The following CHIC1 variants were observed in gnomAD, a reference collection of about 807,000 sequenced individuals.
CHIC1 encodes the protein cysteine rich hydrophobic domain 1.
A neutral mutation model predicts 18.5 loss-of-function variants in CHIC1; 7 were observed. The ratio of observed to expected loss-of-function variants is 0.38; its 90% CI spans 0.22 to 0.71. CHIC1 has a LOEUF of 0.71. Ranked by LOEUF, CHIC1 falls within the 30% of genes least tolerant of loss-of-function variation. CHIC1 has a pLI of 0.49. For missense variants in CHIC1, 159 were observed against 176.9 expected (o/e 0.90, Z 0.57); for synonymous variants, 77 against 73.5 (o/e 1.05, Z -0.25).
intron 3 of CHIC1, among the ~76,000 whole-genome samples, chrX:73,668,971 C>A (rs1258432802): frequency 2.7e-5 from 3 of 112,959 alleles, no homozygotes; most frequent in Middle Eastern, 4.6e-3. Flanking sequence ...AAGTTGGCAG[C>A]CTGCCTCGCC....
chrX:73,655,370 C>T (rs1251329973), intron 3 of CHIC1, among the ~76,000 whole-genome samples: 1 of 98,022 alleles, frequency 1.0e-5, no homozygotes, highest in Non-Finnish European at 2.0e-5. Flanking sequence ...TATATACACA[C>T]AATATTGTGG....
At chrX:73,579,157 AGAAT>A (rs1277742507) in intron 2 of CHIC1, among the ~76,000 whole-genome samples, 1 of 110,271 alleles carries the variant, frequency 9.1e-6, no homozygotes, top group African/African-American at 3.3e-5. Context: ...AGCTTGAGAC[AGAAT>A]ATAGTAGTTA....
intron 3 of CHIC1, among the ~76,000 whole-genome samples, chrX:73,621,346 C>G (rs1273366326): frequency 2.7e-5 from 3 of 112,070 alleles, no homozygotes; most frequent in Non-Finnish European, 5.6e-5. Flanking sequence ...GAATGTTTTT[C>G]CATTTTTTGG....
intron 3 of CHIC1, among the ~76,000 whole-genome samples, chrX:73,629,939 T>C (rs888595207): frequency 8.9e-6 from 1 of 112,123 alleles, no homozygotes; most frequent in Non-Finnish European, 1.9e-5. Flanking sequence ...AGATATCTTT[T>C]TGTGTATTTG....
intron 3 of CHIC1, among the ~76,000 whole-genome samples, chrX:73,613,722 G>A (rs2057719601): frequency 9.0e-6 from 1 of 111,687 alleles, no homozygotes; most frequent in Non-Finnish European, 1.9e-5. Flanking sequence ...TATTTGTTCT[G>A]TGTTACTATT....
chrX:73,589,047 C>T (rs765270138), intron 3 of CHIC1, among the ~76,000 whole-genome samples: 38 of 109,827 alleles, frequency 3.5e-4, no homozygotes, highest in Non-Finnish European at 5.6e-4. Context: ...CATTTCTCTC[C>T]ACTCTATTTT....
In CHIC1 at chrX:73,684,086, A is replaced by G. The variant is rs1260214967; in HGVS notation, c.*3081A>G. The G allele has an allele frequency of 8.9e-6, 1 of 111,894 alleles. No homozygotes were observed. The highest frequency in any genetic ancestry group is 1.9e-5 in the Non-Finnish European group (1 of 52,841). The allele number at this position is 111,894 out of a possible 1,213,427, so 9.2% of individuals were successfully genotyped here. ...ATCCTTTTCAACTAGGTCTAAGAAT[A>G]CTTTACTAGTGTATTATCTTTTATT... On this transcript the variant is annotated 3_prime_UTR_variant, in exon 6 of 6. Transcript: ENST00000373502.
chrX:73,607,920 G>A lies in CHIC1; in HGVS notation c.507+23348G>A, dbSNP rs1360969319. ...ATCTCGCTGGGAGCTGCAGACCAGA[G>A]CTGTTTCTATTCAGCCATCTTGCCA... On this transcript the variant is annotated intron_variant, in intron 3 of 5. Coordinates refer to ENST00000373502, the MANE Select transcript of CHIC1 (RefSeq NM_001039840.4). 5.5e-5 allele frequency among the ~76,000 whole-genome samples: 6 copies of A among 108,794 alleles called. No homozygotes were observed. In the Admixed American group the frequency reaches 5.7e-4, roughly 10 times the overall value. The allele number at this position is 108,794 out of a possible 115,157, so 94.5% of individuals were successfully genotyped here.
intron 3 of CHIC1, among the ~76,000 whole-genome samples, chrX:73,668,539 T>C (rs758028342): frequency 2.0e-4 from 22 of 111,498 alleles, no homozygotes; most frequent in Non-Finnish European, 9.4e-5. Context: ...GATGGGGTTT[T>C]TGTGTTTTTT....
chrX:73,616,753 G>T (rs1254728652), intron 3 of CHIC1, among the ~76,000 whole-genome samples: 1 of 111,770 alleles, frequency 8.9e-6, no homozygotes, highest in East Asian at 2.8e-4. Context: ...GCCATGGCTA[G>T]AGTGGCTAGG....
chrX:73,617,756 C>G (rs964383613), intron 3 of CHIC1, among the ~76,000 whole-genome samples: 2 of 111,736 alleles, frequency 1.8e-5, no homozygotes, highest in Admixed American at 1.9e-4. Context: ...TTATCTCTCA[C>G]CACATACCTC....
rs1271474761 is a variant in CHIC1, at chrX:73,682,090, AAG to A, written c.*1093_*1094del. ...GCAGTTCTGATATTCTAGTTTGAGA[AAG>A]AGAGAGAACTATTTGAGAAGCTGTA... is the stretch of plus-strand genomic sequence containing the variant. On this transcript the variant is annotated 3_prime_UTR_variant, in exon 6 of 6. Coordinates refer to ENST00000373502, the MANE Select transcript of CHIC1 (RefSeq NM_001039840.4). The A allele has an allele frequency of 9.0e-6, 1 of 111,543 alleles. No individual in the cohort carries two copies. Among genetic ancestry groups the A allele is most frequent in the African/African-American group, 3.2e-5 (1 of 30,866 alleles). The allele number at this position is 111,543 out of a possible 1,213,427, so 9.2% of individuals were successfully genotyped here. A position where few individuals can be genotyped will look rare whatever the true frequency, so the allele number is the denominator to read the frequency against.
chrX:73,622,399 G>A lies in CHIC1; in HGVS notation c.507+37827G>A, dbSNP rs372610601. On this transcript the variant is annotated intron_variant, in intron 3 of 5. Coordinates refer to ENST00000373502, the MANE Select transcript of CHIC1 (RefSeq NM_001039840.4). ...CTGTTATTGGTCTATTCAGGGATTC[G>A]ACTCCTTCCTGGTTTAGACTTGGGA... 3.6e-5 allele frequency among the ~76,000 whole-genome samples: 4 copies of A among 111,310 alleles called. No homozygotes were observed. The East Asian group carries it at 1.1e-3, about 32-fold the overall frequency.
intron 1 of CHIC1, among the ~76,000 whole-genome samples, chrX:73,576,491 T>A (rs1443968355): frequency 9.1e-6 from 1 of 110,489 alleles, no homozygotes; most frequent in Non-Finnish European, 1.9e-5. Context: ...ACCACCATCA[T>A]ATATGCACTC....
intron 3 of CHIC1, among the ~76,000 whole-genome samples, chrX:73,626,162 A>G (rs1006890254): frequency 5.4e-5 from 6 of 111,875 alleles, no homozygotes; most frequent in African/African-American, 1.9e-4. Flanking sequence ...TGGCTACTCC[A>G]TAGCGGAACA....
intron 3 of CHIC1, among the ~76,000 whole-genome samples, chrX:73,614,732 A>G (rs1364878109): frequency 9.1e-6 from 1 of 110,430 alleles, no homozygotes; most frequent in Admixed American, 9.7e-5. Context: ...TTTTTATGGT[A>G]TCTATCTCTT....
At chrX:73,578,742 T>C (rs747109588) in intron 2 of CHIC1, 35 of 110,479 alleles carry the variant, frequency 3.2e-4, no homozygotes, top group African/African-American at 1.1e-3. Context: ...ATAAAAGTTA[T>C]TACCTTTGAT....
Position 73,681,248 on chromosome X carries a change from TATAG to T in CHIC1, c.*248_*251del, listed in dbSNP as rs2058098401. On this transcript the variant is annotated 3_prime_UTR_variant, in exon 6 of 6. Coordinates refer to ENST00000373502, the MANE Select transcript of CHIC1 (RefSeq NM_001039840.4). ...ACACATGCGTGTGTGCATATACATA[TATAG>T]ATAGTTGCCATTAAAGATAAATCAT... 7.3e-6 allele frequency: 2 copies of T among 272,653 alleles called. No individual in the cohort carries two copies. The highest frequency in any genetic ancestry group is 1.3e-4 in the Admixed American group (2 of 15,058). 22.5% of individuals were successfully genotyped at this position (272,653 alleles called of 1,213,427 possible).
intron 3 of CHIC1, among the ~76,000 whole-genome samples, chrX:73,590,405 T>C (rs1229140519): frequency 9.0e-6 from 1 of 111,214 alleles, no homozygotes; most frequent in Non-Finnish European, 1.9e-5. Context: ...TCCCCTACTA[T>C]TGAGATCTTA....
Sources: allele counts gnomAD v4.1 joint callset (sites outside exome capture counted in the v4.1 genomes callset), GRCh38; gene constraint gnomAD v4.1.1; transcripts MANE v1.5; gene names NCBI Gene and HGNC (gene_info 2026-07-23, HGNC 2026-07-21).